The following PTPRS variants were observed in gnomAD, a reference collection of about 807,000 sequenced individuals.
PTPRS encodes protein tyrosine phosphatase receptor type S, also known as receptor-type tyrosine-protein phosphatase S.
PTPRS carries 63 observed loss-of-function variants against 215.3 expected under a neutral mutation model. The ratio of observed to expected loss-of-function variants is 0.29; its 90% CI spans 0.24 to 0.36. The LOEUF is 0.36. Among genes scored for constraint, PTPRS ranks in the 10% least tolerant of loss-of-function variants. PTPRS has a pLI of 1.00. For synonymous variants in PTPRS, 1,404 were observed against 1,191.4 expected (o/e 1.18, Z -3.68); for missense variants, 2,258 against 2,825.8 (o/e 0.80, Z 4.56).
In PTPRS at chr19:5,287,885, ACAGT is replaced by A. The variant is rs1031927107; in HGVS notation, c.-94-1655_-94-1652del. ...TCAAACCACCGATACACACCGACAC[ACAGT>A]CAGACTGCAAGCGGTTGCATATCTG... On this transcript the variant is annotated intron_variant, in intron 1 of 37. Transcript: ENST00000262963. This position sits in a 1 kb window ranked among gnomAD's most constrained non-coding sequence, Gnocchi z 4.8. 6.6e-6 allele frequency among the ~76,000 whole-genome samples: 1 copy of A among 152,096 alleles called. No individual in the cohort carries two copies. The highest frequency in any genetic ancestry group is 1.5e-5 in the Non-Finnish European group (1 of 68,012).
intron 1 of PTPRS, among the ~76,000 whole-genome samples, chr19:5,310,662 A>C (rs1222320381): frequency 2.0e-5 from 3 of 151,696 alleles, no homozygotes; most frequent in Non-Finnish European, 4.4e-5. Context: ...AATCCTTAAC[A>C]CATATTTAAT....
intron 11 of PTPRS, 99 bp downstream of exon 11, chr19:5,243,802 C>T (rs903751289): frequency 9.5e-7 from 1 of 1,052,274 alleles, no homozygotes; most frequent in South Asian, 1.9e-5. Context: ...TCTTAAAGCA[C>T]CGTGCATAAC....
At chr19:5,218,630 A>AT (rs762313342) in intron 24 of PTPRS, 98 bp from the exon 25 acceptor site, 475 of 1,514,710 alleles carry the variant, frequency 3.1e-4, no homozygotes, top group Non-Finnish European at 4.1e-4. Flanking sequence ...GAAAAGGACC[A>AT]TGGACCCGTA....
At chr19:5,236,061 C>T (rs567274844) in intron 13 of PTPRS, among the ~76,000 whole-genome samples, 2 of 152,322 alleles carry the variant, frequency 1.3e-5, no homozygotes. Flanking sequence ...CACAACCCCT[C>T]AGGTGGTCAG....
At chr19:5,208,180 C>T (rs1230928175) in intron 36 of PTPRS, 57 bp downstream of exon 36, 48 of 1,556,468 alleles carry the variant, frequency 3.1e-5, no homozygotes, top group Non-Finnish European at 3.9e-5. Flanking sequence ...GGGCTGTCCC[C>T]ACCAGGCCTC....
rs1251602840 is a variant in PTPRS, at chr19:5,215,543, C to T, written c.4149G>A (p.Glu1383=). ...IPIADMAEHT[E]RLKANDSLKL... ...TGAGGCTGTCGTTGGCCTTGAGCCG[C>T]TCCGTGTGCTCCGCCATGTCTGCGA... Residue 1383 remains glutamate (E), a synonymous_variant, in exon 27 of 38, where the codon GAG becomes GAA. Transcript: ENST00000262963. 1 of 1,612,122 alleles carries T rather than the reference C, an allele frequency of 6.2e-7. No individual in the cohort carries two copies. The highest frequency in any genetic ancestry group is 2.2e-5 in the East Asian group (1 of 44,814).
At chr19:5,314,524 C>T (rs180857862) in intron 1 of PTPRS, among the ~76,000 whole-genome samples, 18 of 152,018 alleles carry the variant, frequency 1.2e-4, no homozygotes, top group Admixed American at 6.6e-4. Flanking sequence ...ATGTGGGTTT[C>T]TCCACCTTTC....
intron 30 of PTPRS, 71 bp downstream of exon 30, chr19:5,214,290 A>G: frequency 6.2e-7 from 1 of 1,604,452 alleles, no homozygotes; most frequent in Non-Finnish European, 8.5e-7. Flanking sequence ...CCTGGGTAGA[A>G]GCTGGGGCCC....
Position 5,294,011 on chromosome 19 carries a change from C to G in PTPRS, c.-94-7777G>C, listed in dbSNP as rs1427365079. Among the ~76,000 whole-genome samples, 1 of 152,176 alleles carries G rather than the reference C, an allele frequency of 6.6e-6. No homozygotes were observed. Among genetic ancestry groups the G allele is most frequent in the African/African-American group, 2.4e-5 (1 of 41,460 alleles). ...CGCCCGGGGTGCGGGTTTGAAAACT[C>G]CACCGGAGGGGCCCGGAATGTAGAA... On this transcript the variant is annotated intron_variant, in intron 1 of 37. Coordinates refer to ENST00000262963, the MANE Select transcript of PTPRS (RefSeq NM_002850.4). The surrounding 1 kb of genome is among the most constrained non-coding windows in gnomAD (Gnocchi z 5.1).
chr19:5,297,438 T>G (rs1164671924), intron 1 of PTPRS, among the ~76,000 whole-genome samples: 1 of 152,188 alleles, frequency 6.6e-6, no homozygotes, highest in East Asian at 1.9e-4. Flanking sequence ...CTGTGTGCTG[T>G]GCTGAGGACA....
At chr19:5,284,967 A>T (rs954451106) in intron 2 of PTPRS, among the ~76,000 whole-genome samples, 5 of 152,072 alleles carry the variant, frequency 3.3e-5, no homozygotes, top group Non-Finnish European at 7.4e-5. Flanking sequence ...AAACGACAAT[A>T]AAAAAAGCAG....
rs757879729 is a variant in PTPRS, at chr19:5,274,187, A to G, written c.237+12T>C. The G allele has an allele frequency of 5.6e-6, 9 of 1,604,904 alleles. No individual in the cohort carries two copies. In the Admixed American group the frequency reaches 8.4e-5, roughly 15 times the overall value. On this transcript the variant is annotated intron_variant, in intron 3 of 37. Transcript: ENST00000262963. ...CATTGACCCCAGGCTGCCTCCCCCT[A>G]CCCCAACTCACCTCAAAGCGCTGAG...
Position 5,244,599 on chromosome 19 carries a change from TC to T in PTPRS, c.989-118del. 2.6e-6 allele frequency: 2 copies of T among 768,384 alleles called. No homozygotes were observed. The highest frequency in any genetic ancestry group is 4.2e-6 in the Non-Finnish European group (2 of 481,326). The allele number at this position is 768,384 out of a possible 1,614,324, so 47.6% of individuals were successfully genotyped here. On this transcript the variant is annotated intron_variant, in intron 10 of 37. Transcript: ENST00000262963. This position sits in a 1 kb window ranked among gnomAD's most constrained non-coding sequence, Gnocchi z 7.2. ...TGAGCCTTGATTTGCCCAGCAGTAATCATGGGCCTCATGACTCCTGTCATCG... is the reference window on the plus strand; with the variant it reads ...TGAGCCTTGATTTGCCCAGCAGTAATATGGGCCTCATGACTCCTGTCATCG...
In PTPRS at chr19:5,240,257, C is replaced by A; in HGVS notation, c.1646G>T (p.Arg549Leu). 1 of 1,586,626 alleles carries A rather than the reference C, an allele frequency of 6.3e-7. No individual in the cohort carries two copies. The highest frequency in any genetic ancestry group is 8.6e-7 in the Non-Finnish European group (1 of 1,167,834). Residue 549 changes from arginine (R) to leucine (L), a missense_variant, in exon 12 of 38, where the codon CGG (arginine) becomes CTG (leucine). Transcript: ENST00000262963. ...CTCGTACTTGATGATACTCTCCTGC[C>A]GCGGGGGGCTCCAGGACAGCGTGAT... The part of the protein sequence containing the change: ...TSITLSWSPP[R>L]QESIIKYELL...
intron 5 of PTPRS, among the ~76,000 whole-genome samples, chr19:5,263,368 G>A (rs757061849): frequency 3.9e-5 from 6 of 152,202 alleles, no homozygotes; most frequent in Non-Finnish European, 7.4e-5. Context: ...GATCTTTTTG[G>A]GGCTTGGTTT....
intron 5 of PTPRS, among the ~76,000 whole-genome samples, chr19:5,263,768 T>C (rs2046201134): frequency 6.6e-6 from 1 of 152,204 alleles, no homozygotes; most frequent in Non-Finnish European, 1.5e-5. Context: ...ATCACTGCCC[T>C]GTGTGCACAG....
chr19:5,337,177 C>A (rs903140939), intron 1 of PTPRS, among the ~76,000 whole-genome samples: 1 of 152,162 alleles, frequency 6.6e-6, no homozygotes, highest in East Asian at 1.9e-4. Context: ...TGCTCTCAGC[C>A]GAAAAACATT....
chr19:5,205,815 C>T lies in PTPRS; in HGVS notation c.*959G>A, dbSNP rs1031862615. On this transcript the variant is annotated 3_prime_UTR_variant, in exon 38 of 38. Coordinates refer to ENST00000262963, the MANE Select transcript of PTPRS (RefSeq NM_002850.4). ...TCCTTGGGGGCGGGAGACGGGGAGA[C>T]AGCTCAGGCTCTCAGAGGAGGACCA... 4.1e-4 allele frequency among the ~76,000 whole-genome samples: 63 copies of T among 152,094 alleles called. No homozygotes were observed. The highest frequency in any genetic ancestry group is 1.5e-3 in the African/African-American group (62 of 41,404).
intron 18 of PTPRS, 79 bp downstream of exon 18, chr19:5,222,610 A>G (rs1441123240): frequency 3.1e-6 from 3 of 974,036 alleles, no homozygotes; most frequent in Non-Finnish European, 3.8e-6. Flanking sequence ...TTACCTGGGC[A>G]GGGGAGAGGG....
Sources: allele counts gnomAD v4.1 joint callset (sites outside exome capture counted in the v4.1 genomes callset), GRCh38; gene constraint gnomAD v4.1.1; non-coding constraint Gnocchi (gnomAD v3.1); transcripts MANE v1.5; gene names NCBI Gene and HGNC (gene_info 2026-07-23, HGNC 2026-07-21).